Variants in CCAR1 observed in about 807,000 individuals in gnomAD.
CCAR1 encodes the protein cell division cycle and apoptosis regulator 1, also known as cell division cycle and apoptosis regulator protein 1.
A neutral mutation model predicts 163.8 loss-of-function variants in CCAR1; 78 were observed. The ratio of observed to expected loss-of-function variants is 0.48; its 90% CI spans 0.40 to 0.57. The LOEUF is 0.57. Ranked by LOEUF, CCAR1 falls within the 20% of genes least tolerant of loss-of-function variation. CCAR1 has a pLI of 0.00. For synonymous variants in CCAR1, 443 were observed against 460.7 expected (o/e 0.96, Z 0.49); for missense variants, 1,019 against 1,365.2 (o/e 0.75, Z 4.00).
At chr10:68,781,164 C>T (rs982656853) in intron 19 of CCAR1, among the ~76,000 whole-genome samples, 4 of 148,684 alleles carry the variant, frequency 2.7e-5, no homozygotes, top group Non-Finnish European at 4.4e-5. Context: ...ACCAGAGAGG[C>T]GGAGGTTGCA....
At chr10:68,743,899 G>A (rs768749594) in intron 6 of CCAR1, among the ~76,000 whole-genome samples, 1 of 152,112 alleles carries the variant, frequency 6.6e-6, no homozygotes, top group Non-Finnish European at 1.5e-5. Flanking sequence ...ATAGGTGCCT[G>A]CCACCACGCC....
intron 21 of CCAR1, 136 bp downstream of exon 21, chr10:68,786,828 T>G: frequency 1.5e-6 from 1 of 677,312 alleles, no homozygotes; most frequent in Non-Finnish European, 2.4e-6. Flanking sequence ...CTCACACCTA[T>G]AATCCCAGCA....
At chr10:68,767,050 A>C (rs895744327) in intron 17 of CCAR1, among the ~76,000 whole-genome samples, 8 of 152,110 alleles carry the variant, frequency 5.3e-5, no homozygotes, top group Non-Finnish European at 8.8e-5. Context: ...TTTTTTCCCT[A>C]AGACGCTTTC....
chr10:68,763,644 C>T (rs972955999), intron 16 of CCAR1, among the ~76,000 whole-genome samples: 1 of 151,910 alleles, frequency 6.6e-6, no homozygotes, highest in Non-Finnish European at 1.5e-5. Flanking sequence ...GATGGGGTTT[C>T]GCCATGTTAG....
intron 19 of CCAR1, among the ~76,000 whole-genome samples, chr10:68,778,936 C>T (rs2056700742): frequency 1.3e-5 from 2 of 152,180 alleles, no homozygotes; most frequent in South Asian, 2.1e-4. Flanking sequence ...CTCCAACCTC[C>T]GCCTCCCGGA....
intron 7 of CCAR1, 38 bp downstream of exon 7, chr10:68,747,313 G>A: frequency 6.3e-7 from 1 of 1,585,908 alleles, no homozygotes; most frequent in Non-Finnish European, 8.6e-7. Context: ...TAGAAGCTTG[G>A]TAAATGAGTC....
chr10:68,744,293 CTTTG>C (rs1394834438), intron 6 of CCAR1, among the ~76,000 whole-genome samples: 1 of 152,138 alleles, frequency 6.6e-6, no homozygotes, highest in African/African-American at 2.4e-5. Flanking sequence ...GAAATCTAAT[CTTTG>C]TTTGACGTGT....
intron 2 of CCAR1, among the ~76,000 whole-genome samples, chr10:68,727,471 T>G (rs2055965956): frequency 6.6e-6 from 1 of 152,078 alleles, no homozygotes; most frequent in Non-Finnish European, 1.5e-5. Flanking sequence ...AGAATTGTGG[T>G]TCATTTTATC....
At position 68,754,707 on chromosome 10, in the gene CCAR1, A is replaced by C; in HGVS notation, c.1345-7A>C. ...TTTGACAGGATTGAATTATTTGACT[A>C]TAATAGGTAATGCTGATGGCTAGCC... On this transcript the variant is annotated splice_region_variant and splice_polypyrimidine_tract_variant and intron_variant, in intron 11 of 24. Transcript: ENST00000265872. 1 of 1,464,210 alleles carries C rather than the reference A, an allele frequency of 6.8e-7. No homozygotes were observed. The highest frequency in any genetic ancestry group is 1.7e-4 in the Middle Eastern group (1 of 5,778). 90.7% of individuals were successfully genotyped at this position (1,464,210 alleles called of 1,614,324 possible).
intron 10 of CCAR1, among the ~76,000 whole-genome samples, chr10:68,751,300 TACAGGTGTGAG>T (rs2056327248): frequency 6.6e-6 from 1 of 152,088 alleles, no homozygotes. Flanking sequence ...GTGCTGGGAT[TACAGGTGTGAG>T]CCACCATGCC....
intron 17 of CCAR1, among the ~76,000 whole-genome samples, chr10:68,770,491 G>A (rs930494349): frequency 6.6e-6 from 1 of 152,068 alleles, no homozygotes; most frequent in African/African-American, 2.4e-5. Flanking sequence ...ACCTGTAATC[G>A]CAGCACTTTG....
In CCAR1 at chr10:68,756,572, C is replaced by A; in HGVS notation, c.1836+89C>A. On this transcript the variant is annotated intron_variant, in intron 14 of 24. Coordinates refer to ENST00000265872, the MANE Select transcript of CCAR1 (RefSeq NM_018237.4). The surrounding 1 kb of genome is among the most constrained non-coding windows in gnomAD (Gnocchi z 5.1). ...TGCACACCACACACTACATAATAAACACACATGGAGGAACATAACTGGTAA... is the reference window on the plus strand; with the variant it reads ...TGCACACCACACACTACATAATAAAAACACATGGAGGAACATAACTGGTAA... The A allele has an allele frequency of 9.8e-7, 1 of 1,018,158 alleles. No individual in the cohort carries two copies. Among genetic ancestry groups the A allele is most frequent in the Non-Finnish European group, 1.5e-6 (1 of 663,266 alleles). The allele number at this position is 1,018,158 out of a possible 1,614,324, so 63.1% of individuals were successfully genotyped here.
intron 21 of CCAR1, 30 bp from the exon 22 acceptor site, chr10:68,787,897 C>T: frequency 6.4e-7 from 1 of 1,561,368 alleles, no homozygotes. Flanking sequence ...ATTTTCATCT[C>T]TGTATTTTGT....
At chr10:68,732,681 T>C (rs2056057112) in intron 2 of CCAR1, among the ~76,000 whole-genome samples, 1 of 152,180 alleles carries the variant, frequency 6.6e-6, no homozygotes, top group South Asian at 2.1e-4. Context: ...CTAGGGCCTA[T>C]ATATAATCCT....
chr10:68,763,303 A>T (rs2056497363), intron 16 of CCAR1, among the ~76,000 whole-genome samples: 1 of 151,958 alleles, frequency 6.6e-6, no homozygotes, highest in Non-Finnish European at 1.5e-5. Context: ...GGCATGCACC[A>T]CCATGCCCAG....
rs535506949 is a variant in CCAR1 at position 68,728,413 on chromosome 10, G to C, written c.73+5836G>C. Among the ~76,000 whole-genome samples, 18 of 150,144 alleles carry C rather than the reference G, an allele frequency of 1.2e-4. No homozygotes were observed. The South Asian group carries it at 1.7e-3, about 14-fold the overall frequency. On this transcript the variant is annotated intron_variant, in intron 2 of 24. Coordinates refer to ENST00000265872, the MANE Select transcript of CCAR1 (RefSeq NM_018237.4). ...GTTTTTTGAGACAGGGTCTCACTTTGTTGCCTAGGCTGGTCTCAAATTTCT... is the reference window on the plus strand; with the variant it reads ...GTTTTTTGAGACAGGGTCTCACTTTCTTGCCTAGGCTGGTCTCAAATTTCT...
Position 68,754,033 on chromosome 10 carries a change from G to A in CCAR1, c.1300G>A (p.Ala434Thr). The A allele has an allele frequency of 1.2e-6, 2 of 1,613,840 alleles. No homozygotes were observed. The highest frequency in any genetic ancestry group is 1.7e-6 in the Non-Finnish European group (2 of 1,179,868). Residue 434 changes from alanine (A) to threonine (T), a missense_variant, in exon 11 of 25, where the codon GCC (alanine) becomes ACC (threonine). Transcript: ENST00000265872. ...AGTAGAGTCCTTAGAAAAAAATATG[G>A]CCATTCTTGATCCACCAGATGCTGA... ...REVESLEKNM[A>T]ILDPPDADHL...
At chr10:68,774,809 C>A in intron 19 of CCAR1, 1 of 316,618 alleles carries the variant, frequency 3.2e-6, no homozygotes, top group East Asian at 1.0e-4. Context: ...ATGCTCTGAC[C>A]GTAGACATCA....
chr10:68,772,937 C>T (rs757449796), intron 18 of CCAR1, 51 bp from the exon 19 acceptor site: 24 of 1,004,892 alleles, frequency 2.4e-5, no homozygotes, highest in Non-Finnish European at 1.0e-5. Context: ...ATGGCAAAAC[C>T]CCGTCTTCTA....
Sources: gnomAD v4.1 joint callset for allele counts (sites outside exome capture counted in the v4.1 genomes callset) on GRCh38, gnomAD v4.1.1 for gene constraint, Gnocchi (gnomAD v3.1) non-coding constraint, MANE v1.5 for transcripts, NCBI Gene and HGNC (gene_info 2026-07-23, HGNC 2026-07-21) for gene names.